BICDL1: variants seen among roughly 807,000 people sequenced by gnomAD.
The protein encoded by BICDL1 is BICD family like cargo adaptor 1.
A neutral mutation model predicts 76.8 loss-of-function variants in BICDL1; 20 were observed. That is an observed-to-expected ratio of 0.26 (90% CI 0.18 to 0.38). The LOEUF (loss-of-function observed/expected upper bound fraction) is 0.38, where lower values mean the gene tolerates loss of function less well. Among genes scored for constraint, BICDL1 ranks in the 10% least tolerant of loss-of-function variants. The pLI, the probability that BICDL1 is intolerant of heterozygous loss-of-function variation, is 1.00. For synonymous variants in BICDL1, 383 were observed against 337.1 expected (o/e 1.14, Z -1.49); for missense variants, 700 against 798.6 (o/e 0.88, Z 1.49).
intron 2 of BICDL1, among the ~76,000 whole-genome samples, chr12:120,036,206 A>G (rs1952527866): frequency 6.6e-6 from 1 of 152,228 alleles, no homozygotes; most frequent in Admixed American, 6.5e-5. Context: ...CACCTAGGGA[A>G]TTGCTGGGTA....
At chr12:120,008,763 T>G (rs1951898240) in intron 2 of BICDL1, among the ~76,000 whole-genome samples, 1 of 152,174 alleles carries the variant, frequency 6.6e-6, no homozygotes, top group Admixed American at 6.5e-5. Context: ...ATATTAAGGA[T>G]GTACTAGAAG....
chr12:119,993,815 C>T (rs1951579146), intron 1 of BICDL1, among the ~76,000 whole-genome samples: 1 of 152,108 alleles, frequency 6.6e-6, no homozygotes, highest in Non-Finnish European at 1.5e-5. Flanking sequence ...GGGGTTTCAC[C>T]ATGGTGGCCA....
intron 2 of BICDL1, among the ~76,000 whole-genome samples, chr12:120,004,844 G>A (rs1951821700): frequency 6.6e-6 from 1 of 152,154 alleles, no homozygotes; most frequent in East Asian, 1.9e-4. Flanking sequence ...TTTCTGAGAC[G>A]GAGTGTCGCT....
At chr12:120,057,269 C>T in intron 2 of BICDL1, 1 of 368,382 alleles carries the variant, frequency 2.7e-6, no homozygotes, top group Non-Finnish European at 5.3e-6. Flanking sequence ...TCCACCTTGG[C>T]CTCCCAACGT....
At chr12:120,086,413 C>G (rs1178451066) in intron 8 of BICDL1, among the ~76,000 whole-genome samples, 1 of 152,228 alleles carries the variant, frequency 6.6e-6, no homozygotes. Context: ...TCCATCCTGG[C>G]CGCACATTAC....
chr12:120,085,797 CTCA>C (rs1874360310), intron 8 of BICDL1, among the ~76,000 whole-genome samples: 1 of 91,024 alleles, frequency 1.1e-5, no homozygotes. Context: ...AAGATCCTGC[CTCA>C]AAAAAAAAAA....
At chr12:119,996,494 G>A (rs1257270361) in intron 1 of BICDL1, among the ~76,000 whole-genome samples, 2 of 152,178 alleles carry the variant, frequency 1.3e-5, no homozygotes, top group Non-Finnish European at 2.9e-5. Flanking sequence ...GAAGCATTCT[G>A]AAAGATATTT....
rs1275931437 is a variant in BICDL1, at chr12:119,998,619, G to A, written c.528G>A (p.Gln176=). Residue 176 remains glutamine (Q), a synonymous_variant, in exon 2 of 10, where the codon CAG becomes CAA. Coordinates refer to ENST00000548673, the MANE Select transcript of BICDL1 (RefSeq NM_001367886.1). ...RVSELESDVK[Q]LQDELERQQI... ...CAGAGCTGGAGAGTGATGTGAAGCA[G>A]CTACAGGATGAGTTGGAGAGGCAGC... 6.2e-7 allele frequency: 1 copy of A among 1,614,148 alleles called. No homozygotes were observed. Among genetic ancestry groups the A allele is most frequent in the Admixed American group, 1.7e-5 (1 of 60,010 alleles).
At chr12:120,041,848 A>G (rs1236919122) in intron 2 of BICDL1, among the ~76,000 whole-genome samples, 1 of 152,202 alleles carries the variant, frequency 6.6e-6, no homozygotes, top group Non-Finnish European at 1.5e-5. Flanking sequence ...GCAGCGGAGA[A>G]AAGAGGAGAT....
chr12:120,004,035 G>T (rs2138634651), intron 2 of BICDL1, among the ~76,000 whole-genome samples: 1 of 152,268 alleles, frequency 6.6e-6, no homozygotes, highest in Middle Eastern at 3.4e-3. Flanking sequence ...GGCAGCCAGA[G>T]GTTCTCATTT....
At chr12:120,038,278 G>A (rs1006918062) in intron 2 of BICDL1, among the ~76,000 whole-genome samples, 4 of 152,070 alleles carry the variant, frequency 2.6e-5, no homozygotes, top group East Asian at 3.9e-4. Context: ...TTTCCCTTCC[G>A]CCTGAGAAAA....
intron 2 of BICDL1, among the ~76,000 whole-genome samples, 171 bp from the exon 3 acceptor site, chr12:120,061,539 A>G (rs1953104948): frequency 1.3e-5 from 2 of 151,696 alleles, no homozygotes. Context: ...TGGGGGTGGG[A>G]GTTTGTCCTG....
rs1474317974 is a variant in BICDL1 at position 119,989,764 on chromosome 12, C to A, written c.-105C>A. The A allele has an allele frequency of 1.0e-5, 4 of 388,590 alleles. No homozygotes were observed. Among genetic ancestry groups the A allele is most frequent in the African/African-American group, 6.8e-5 (3 of 44,124 alleles). 24.1% of individuals were successfully genotyped at this position (388,590 alleles called of 1,614,324 possible). A position where few individuals can be genotyped will look rare whatever the true frequency, so the allele number is the denominator to read the frequency against. The stretch of plus-strand genomic sequence containing the variant: ...GGACCCGGGGGCGCGTGCCGCGGCG[C>A]GAGGCGAGGCGCGGGACGCGGGGCG... On this transcript the variant is annotated 5_prime_UTR_variant, in exon 1 of 10. Coordinates refer to ENST00000548673, the MANE Select transcript of BICDL1 (RefSeq NM_001367886.1).
At chr12:120,039,168 G>T (rs545054202) in intron 2 of BICDL1, among the ~76,000 whole-genome samples, 1 of 150,938 alleles carries the variant, frequency 6.6e-6, no homozygotes, top group East Asian at 2.0e-4. Flanking sequence ...ATGGTGGCGG[G>T]TGTCTATAGT....
At chr12:120,088,869 T>TG (rs1487957098) in intron 8 of BICDL1, among the ~76,000 whole-genome samples, 4 of 151,688 alleles carry the variant, frequency 2.6e-5, no homozygotes, top group Non-Finnish European at 5.9e-5. Context: ...GGTTTCACTG[T>TG]TAGCCAGGAT....
chr12:120,057,818 C>CCTTTTTTTTTTTTTTTTTTTTTTT (rs1953008680), intron 2 of BICDL1, among the ~76,000 whole-genome samples: 1 of 78,324 alleles, frequency 1.3e-5, no homozygotes, highest in Non-Finnish European at 2.2e-5. Flanking sequence ...GCGATTCCTG[C>CCTTTTTTTTTTTTTTTTTTTTTTT]TTTTTTTTTT....
At chr12:120,013,369 C>T (rs1951994037) in intron 2 of BICDL1, among the ~76,000 whole-genome samples, 1 of 150,914 alleles carries the variant, frequency 6.6e-6, no homozygotes, top group Non-Finnish European at 1.5e-5. Context: ...CATTTAATGT[C>T]ACATGATTAT....
intron 2 of BICDL1, among the ~76,000 whole-genome samples, chr12:120,042,682 G>A (rs1268424549): frequency 1.1e-4 from 16 of 151,856 alleles, no homozygotes; most frequent in Admixed American, 9.9e-4. Flanking sequence ...GCGGGTGCCT[G>A]TAATCCCAGC....
At position 120,090,044 on chromosome 12, in the gene BICDL1, C is replaced by A; in HGVS notation, c.1677C>A (p.Asn559Lys). ...QLLDAIQQKL[N>K]LSQQLEAWQD... is the part of the protein sequence containing the mutation. Reference sequence around the variant, plus strand: ...TGGATGCCATTCAGCAGAAACTGAACCTCTCGCAGCAGCTGGAAGCTTGGC... The same window carrying A: ...TGGATGCCATTCAGCAGAAACTGAAACTCTCGCAGCAGCTGGAAGCTTGGC... The change falls in exon 9 of 10, where the codon AAC (asparagine) becomes AAA (lysine). Residue 559 changes from asparagine (N) to lysine (K), a missense_variant. By Grantham distance (94) the Asn-to-Lys change is moderately conservative (BLOSUM62 0). Transcript: ENST00000548673. 6.2e-7 allele frequency: 1 copy of A among 1,614,114 alleles called. No homozygotes were observed. Among genetic ancestry groups the A allele is most frequent in the South Asian group, 1.1e-5 (1 of 91,080 alleles).
Sources: gnomAD v4.1 joint callset for allele counts (sites outside exome capture counted in the v4.1 genomes callset) on GRCh38, gnomAD v4.1.1 for gene constraint, MANE v1.5 for transcripts, NCBI Gene and HGNC (gene_info 2026-07-23, HGNC 2026-07-21) for gene names.